The following EBF2 variants were observed in gnomAD, a reference collection of about 807,000 sequenced individuals.
The protein encoded by EBF2 is EBF transcription factor 2.
Under a neutral mutation model 72.8 loss-of-function variants are expected in EBF2, and 21 were observed. The ratio of observed to expected loss-of-function variants is 0.29; its 90% confidence interval spans 0.20 to 0.42. EBF2 has a LOEUF of 0.42. Ranked by LOEUF, EBF2 falls within the 10% of genes least tolerant of loss-of-function variation. EBF2 has a pLI of 1.00. For missense variants in EBF2, 637 were observed against 731.2 expected (o/e 0.87, Z 1.49); for synonymous variants, 299 against 274.2 (o/e 1.09, Z -0.89).
intron 10 of EBF2, among the ~76,000 whole-genome samples, chr8:25,877,489 T>A (rs957974987): frequency 1.3e-5 from 2 of 152,192 alleles, no homozygotes; most frequent in African/African-American, 4.8e-5. Context: ...ACCTGCAAAG[T>A]CACATGTGCA....
At chr8:25,914,255 G>A (rs1291694590) in intron 6 of EBF2, among the ~76,000 whole-genome samples, 1 of 152,214 alleles carries the variant, frequency 6.6e-6, no homozygotes, top group East Asian at 1.9e-4. Flanking sequence ...AATCTTAACG[G>A]TGGTGTTCCA....
chr8:25,979,871 T>C (rs1489799844), intron 6 of EBF2, among the ~76,000 whole-genome samples: 1 of 152,128 alleles, frequency 6.6e-6, no homozygotes, highest in East Asian at 1.9e-4. Context: ...TGTTTAAATC[T>C]TATTAAACAA....
chr8:25,962,268 G>A (rs1262930174), intron 6 of EBF2, among the ~76,000 whole-genome samples: 14 of 152,194 alleles, frequency 9.2e-5, no homozygotes, highest in Non-Finnish European at 1.5e-5. Flanking sequence ...TATGAGTGCA[G>A]GGTGTTGGTA....
chr8:25,910,336 G>C (rs1317528556), intron 6 of EBF2, among the ~76,000 whole-genome samples: 1 of 152,018 alleles, frequency 6.6e-6, no homozygotes, highest in Non-Finnish European at 1.5e-5. Flanking sequence ...AATAGCCCCC[G>C]CTGCACCCCA....
intron 6 of EBF2, among the ~76,000 whole-genome samples, chr8:25,934,720 TGA>T (rs1305287676): frequency 1.2e-4 from 18 of 152,156 alleles, no homozygotes; most frequent in African/African-American, 4.3e-4. Context: ...GGAAGTTGAG[TGA>T]GAGTGTGACA....
chr8:25,972,066 C>T (rs554663573), intron 6 of EBF2, among the ~76,000 whole-genome samples: 1 of 152,342 alleles, frequency 6.6e-6, no homozygotes, highest in African/African-American at 2.4e-5. Flanking sequence ...AAGAGACAAG[C>T]ATCCTGGACA....
intron 14 of EBF2, among the ~76,000 whole-genome samples, chr8:25,854,827 CTA>C (rs1230740023): frequency 1.3e-5 from 2 of 151,938 alleles, no homozygotes; most frequent in Non-Finnish European, 2.9e-5. Context: ...ATTTTTGAAA[CTA>C]TAAAACAATT....
intron 12 of EBF2, 25 bp downstream of exon 12, chr8:25,861,284 A>G (rs372703344): frequency 6.2e-7 from 1 of 1,614,112 alleles, no homozygotes; most frequent in East Asian, 2.2e-5. Flanking sequence ...AAAACTCAAT[A>G]AAGGATAGGA....
chr8:25,946,182 A>G, intron 6 of EBF2, among the ~76,000 whole-genome samples: 1 of 152,246 alleles, frequency 6.6e-6, no homozygotes, highest in East Asian at 1.9e-4. Context: ...TGCCTTTCTC[A>G]TCAATCACTG....
At position 26,045,276 on chromosome 8, in the gene EBF2, G is replaced by GGA. The variant is rs555845476; in HGVS notation, c.-418_-417insTC. 6.8e-6 allele frequency: 1 copy of GGA among 146,018 alleles called. No individual in the cohort carries two copies. The highest frequency in any genetic ancestry group is 1.5e-5 in the Non-Finnish European group (1 of 66,228). The allele number at this position is 146,018 out of a possible 1,614,324, so 9.0% of individuals were successfully genotyped here. ...TGCTCCTCCCCACCGTTCCAATTTA[G>GGA]AAAAAAAAAAAATCCCCAACAGGAT... On this transcript the variant is annotated 5_prime_UTR_variant, in exon 1 of 16. Coordinates refer to ENST00000520164, the MANE Select transcript of EBF2 (RefSeq NM_022659.4).
chr8:25,867,650 A>G (rs1802357664), intron 10 of EBF2, among the ~76,000 whole-genome samples: 1 of 152,178 alleles, frequency 6.6e-6, no homozygotes, highest in Non-Finnish European at 1.5e-5. Flanking sequence ...CATGATTTCC[A>G]CATGCAGCTA....
intron 6 of EBF2, among the ~76,000 whole-genome samples, chr8:26,016,547 C>T (rs1305098593): frequency 6.6e-6 from 1 of 152,132 alleles, no homozygotes; most frequent in East Asian, 1.9e-4. Flanking sequence ...CAGAGGAGGG[C>T]CTGAATGCTT....
intron 6 of EBF2, among the ~76,000 whole-genome samples, chr8:25,964,413 G>A (rs1804082521): frequency 6.6e-6 from 1 of 152,162 alleles, no homozygotes; most frequent in South Asian, 2.1e-4. Context: ...GACCACAGAT[G>A]TGAAAACAGA....
chr8:25,901,988 C>T (rs1802960960), intron 7 of EBF2, among the ~76,000 whole-genome samples: 1 of 152,176 alleles, frequency 6.6e-6, no homozygotes, highest in South Asian at 2.1e-4. Context: ...AGGATAGTGC[C>T]TGGCACACAG....
At chr8:25,908,952 G>T (rs1037698758) in intron 6 of EBF2, among the ~76,000 whole-genome samples, 1 of 152,110 alleles carries the variant, frequency 6.6e-6, no homozygotes, top group Non-Finnish European at 1.5e-5. Context: ...ATCCCAGGGC[G>T]TCTCGTCTGT....
At chr8:26,025,560 A>G (rs905682561) in intron 6 of EBF2, among the ~76,000 whole-genome samples, 16 of 152,178 alleles carry the variant, frequency 1.1e-4, no homozygotes, top group African/African-American at 3.6e-4. Flanking sequence ...ACCCAATTAC[A>G]TGAGTGAACT....
chr8:25,964,718 C>A (rs984129961), intron 6 of EBF2, among the ~76,000 whole-genome samples: 1 of 152,194 alleles, frequency 6.6e-6, no homozygotes, highest in Non-Finnish European at 1.5e-5. Flanking sequence ...TATTAAAAAT[C>A]ATTTAACATT....
At chr8:25,912,940 G>A (rs2117125225) in intron 6 of EBF2, among the ~76,000 whole-genome samples, 1 of 152,250 alleles carries the variant, frequency 6.6e-6, no homozygotes, top group African/African-American at 2.4e-5. Flanking sequence ...CAAATACAGT[G>A]CAGAGTTAAG....
intron 14 of EBF2, among the ~76,000 whole-genome samples, chr8:25,853,660 G>T (rs1203756404): frequency 6.6e-6 from 1 of 152,032 alleles, no homozygotes; most frequent in African/African-American, 2.4e-5. Context: ...CAAGGAGGTA[G>T]TCACGACTGT....
Sources: allele counts gnomAD v4.1 joint callset (sites outside exome capture counted in the v4.1 genomes callset), GRCh38; gene constraint gnomAD v4.1.1; transcripts MANE v1.5; gene names NCBI Gene and HGNC (gene_info 2026-07-23, HGNC 2026-07-21).